GLIS3: variants seen among roughly 807,000 people sequenced by gnomAD.
The protein encoded by GLIS3 is GLIS family zinc finger 3, also known as zinc finger protein GLIS3.
Under a neutral mutation model 78.6 loss-of-function variants are expected in GLIS3, and 53 were observed. That is an observed-to-expected ratio of 0.67 (90% confidence interval 0.54 to 0.85). GLIS3 has a LOEUF of 0.85. Ranked by LOEUF, GLIS3 falls within the 40% of genes least tolerant of loss-of-function variation. GLIS3 has a pLI of 0.00. For missense variants in GLIS3, 1,703 were observed against 1,231.1 expected (o/e 1.38, Z -5.74); for synonymous variants, 684 against 509.9 (o/e 1.34, Z -4.60).
At chr9:4,139,560 C>G (rs983788714) in intron 2 of GLIS3, among the ~76,000 whole-genome samples, 2 of 152,132 alleles carry the variant, frequency 1.3e-5, no homozygotes, top group Non-Finnish European at 2.9e-5. Context: ...TACAGATACA[C>G]ACAAACACAT....
chr9:4,342,265 G>C (rs899265710), intron 2 of GLIS3, among the ~76,000 whole-genome samples: 5 of 152,130 alleles, frequency 3.3e-5, no homozygotes, highest in African/African-American at 1.2e-4. Context: ...GTTAATTTTT[G>C]TGTATGATGA....
At chr9:3,922,766 CA>C (rs577965781) in intron 6 of GLIS3, among the ~76,000 whole-genome samples, 56 of 151,318 alleles carry the variant, frequency 3.7e-4, no homozygotes, top group African/African-American at 1.4e-3. Context: ...GAGAGAAAGC[CA>C]AAAAAATGGA....
At chr9:4,195,504 G>C (rs935933161) in intron 2 of GLIS3, among the ~76,000 whole-genome samples, 7 of 152,200 alleles carry the variant, frequency 4.6e-5, no homozygotes, top group Non-Finnish European at 8.8e-5. Context: ...CACCGCGCTC[G>C]AATTCTCGCC....
intron 2 of GLIS3, among the ~76,000 whole-genome samples, chr9:4,169,958 G>C (rs767992154): frequency 6.6e-6 from 1 of 152,184 alleles, no homozygotes; most frequent in South Asian, 2.1e-4. Context: ...AGACACAAGC[G>C]TCCTCACATC....
At chr9:3,914,197 G>A (rs1218248845) in intron 6 of GLIS3, among the ~76,000 whole-genome samples, 1 of 152,132 alleles carries the variant, frequency 6.6e-6, no homozygotes, top group Non-Finnish European at 1.5e-5. Flanking sequence ...CCAGGCTGGA[G>A]TGCAATGGCG....
At chr9:4,077,186 T>C (rs980343466) in intron 4 of GLIS3, among the ~76,000 whole-genome samples, 1 of 152,234 alleles carries the variant, frequency 6.6e-6, no homozygotes, top group Non-Finnish European at 1.5e-5. Flanking sequence ...TTTAAAAAAA[T>C]TGTCAGCAAC....
intron 2 of GLIS3, among the ~76,000 whole-genome samples, chr9:4,257,055 T>C (rs1825016260): frequency 6.6e-6 from 1 of 152,110 alleles, no homozygotes; most frequent in Admixed American, 6.5e-5. Flanking sequence ...GTATTATGTA[T>C]TATGTGTACA....
chr9:4,365,932 G>A, the GLIS3 span, among the ~76,000 whole-genome samples: 99 of 152,334 alleles, frequency 6.5e-4, no homozygotes, highest in African/African-American at 2.4e-3. Context: ...ACACTCTAGA[G>A]TCTATTCAAA....
chr9:3,844,349 T>C (rs1359003029), intron 9 of GLIS3, among the ~76,000 whole-genome samples: 1 of 152,094 alleles, frequency 6.6e-6, no homozygotes, highest in Non-Finnish European at 1.5e-5. Flanking sequence ...AAGACATAGA[T>C]TGTCATTAAC....
chr9:4,196,766 G>C (rs1416492670), intron 2 of GLIS3, among the ~76,000 whole-genome samples: 1 of 152,192 alleles, frequency 6.6e-6, no homozygotes, highest in Non-Finnish European at 1.5e-5. Context: ...CATTCTTTAA[G>C]TCAGTGAGAC....
chr9:4,350,291 A>T (rs1333066568), upstream of GLIS3, among the ~76,000 whole-genome samples: 2 of 152,350 alleles, frequency 1.3e-5, no homozygotes, highest in South Asian at 4.1e-4. Flanking sequence ...AATGTGAGGA[A>T]CTGGGCACGT....
At chr9:4,341,741 C>A (rs1475868424) in intron 2 of GLIS3, among the ~76,000 whole-genome samples, 1 of 152,218 alleles carries the variant, frequency 6.6e-6, no homozygotes, top group Non-Finnish European at 1.5e-5. Context: ...AACAAGCAAT[C>A]AGTTCTAAGG....
At chr9:4,044,990 G>C (rs1238477092) in intron 4 of GLIS3, among the ~76,000 whole-genome samples, 2 of 152,136 alleles carry the variant, frequency 1.3e-5, no homozygotes, top group Admixed American at 6.6e-5. Context: ...AAAGCTGTTT[G>C]GTAGTGCAGG....
chr9:4,293,267 A>G (rs1407804214), intron 1 of GLIS3, among the ~76,000 whole-genome samples: 1 of 152,246 alleles, frequency 6.6e-6, no homozygotes, highest in Non-Finnish European at 1.5e-5. Context: ...AATAAAATTT[A>G]TCACTCAAAC....
intron 4 of GLIS3, among the ~76,000 whole-genome samples, chr9:4,025,632 C>T (rs974720013): frequency 3.9e-5 from 6 of 152,062 alleles, no homozygotes; most frequent in Admixed American, 1.3e-4. Context: ...GTGATCCGCC[C>T]GTCTCAGCCT....
chr9:4,128,221 G>A (rs142519918), intron 2 of GLIS3, among the ~76,000 whole-genome samples: 11 of 152,278 alleles, frequency 7.2e-5, no homozygotes, highest in African/African-American at 2.6e-4. Context: ...CAATGCAAGG[G>A]TCACCTCCTA....
chr9:3,995,591 G>C (rs1029873004), intron 4 of GLIS3, among the ~76,000 whole-genome samples: 5 of 151,718 alleles, frequency 3.3e-5, no homozygotes, highest in East Asian at 1.9e-4. Flanking sequence ...AGAAACAAGA[G>C]GCTGTGAAAA....
the GLIS3 span, among the ~76,000 whole-genome samples, chr9:4,391,550 G>GGTGTGTGTGTGTGT: frequency 7.6e-3 from 1,113 of 146,168 alleles, 13 homozygotes; most frequent in African/African-American, 0.028. Context: ...TTCTAAGAGG[G>GGTGTGTGTGTGTGT]GTGTGTGTGT....
At chr9:4,037,397 A>T (rs1824408656) in intron 4 of GLIS3, among the ~76,000 whole-genome samples, 1 of 152,202 alleles carries the variant, frequency 6.6e-6, no homozygotes, top group Admixed American at 6.5e-5. Context: ...CTGATAGGTT[A>T]TCAGGAGATT....
Sources: gnomAD v4.1 joint callset for allele counts (sites outside exome capture counted in the v4.1 genomes callset) on GRCh38, gnomAD v4.1.1 for gene constraint, MANE v1.5 for transcripts, NCBI Gene and HGNC (gene_info 2026-07-23, HGNC 2026-07-21) for gene names.